Variants in PTPRG observed in about 807,000 individuals in gnomAD.
The protein encoded by PTPRG is receptor-type tyrosine-protein phosphatase gamma.
A neutral mutation model predicts 165.3 loss-of-function variants in PTPRG; 102 were observed. The observed-to-expected ratio is 0.62, with a 90% CI of 0.53 to 0.73. PTPRG has a LOEUF of 0.73. Among genes scored for constraint, PTPRG ranks in the 30% least tolerant of loss-of-function variants. The pLI, the probability that PTPRG is intolerant of heterozygous loss-of-function variation, is 0.00. For missense variants in PTPRG, 1,866 were observed against 1,861.4 expected, an observed-to-expected ratio of 1.00 and a Z score of -0.05; for synonymous variants, 675 against 669.5, an observed-to-expected ratio of 1.01 and a Z score of -0.13.
intron 2 of PTPRG, among the ~76,000 whole-genome samples, chr3:61,895,045 A>G (rs1230832291): frequency 1.3e-5 from 2 of 152,204 alleles, no homozygotes; most frequent in Non-Finnish European, 2.9e-5. Context: ...GTGTCTCCAG[A>G]TGGACGTCGT....
intron 1 of PTPRG, among the ~76,000 whole-genome samples, chr3:61,674,486 C>CAAA (rs58334791): frequency 3.3e-4 from 19 of 57,982 alleles, no homozygotes; most frequent in African/African-American, 8.1e-4. Context: ...GACTCCATCT[C>CAAA]AAAAAAAAAA....
Position 62,252,029 on chromosome 3 carries a change from A to T in PTPRG, c.2468-3095A>T, listed in dbSNP as rs1330357873. 6.6e-6 allele frequency among the ~76,000 whole-genome samples: 1 copy of T among 152,102 alleles called. No individual in the cohort carries two copies. Among genetic ancestry groups the T allele is most frequent in the Non-Finnish European group, 1.5e-5 (1 of 68,014 alleles). On this transcript the variant is annotated intron_variant, in intron 15 of 29. Transcript: ENST00000474889. The surrounding 1 kb of genome is among the most constrained non-coding windows in gnomAD (Gnocchi z 4.6). ...TTTATCATTATCCTGCTTTTGTTATACCATAATAATCTCTCATTTAATCTG... is the reference window on the plus strand; with the variant it reads ...TTTATCATTATCCTGCTTTTGTTATTCCATAATAATCTCTCATTTAATCTG...
At chr3:61,973,972 CAG>C (rs147612754) in intron 2 of PTPRG, among the ~76,000 whole-genome samples, 2,630 of 152,080 alleles carry the variant, frequency 0.017, 61 homozygotes, top group African/African-American at 0.058. Flanking sequence ...AGACTACTGT[CAG>C]AGATTTTTTT....
chr3:61,637,529 G>GA (rs1701945337), intron 1 of PTPRG, among the ~76,000 whole-genome samples: 1 of 152,168 alleles, frequency 6.6e-6, no homozygotes, highest in African/African-American at 2.4e-5. Flanking sequence ...TGTCAAAACT[G>GA]AGACTGTGCA....
intron 4 of PTPRG, among the ~76,000 whole-genome samples, chr3:62,016,837 C>T (rs1412883218): frequency 6.6e-6 from 1 of 152,202 alleles, no homozygotes; most frequent in Admixed American, 6.5e-5. Flanking sequence ...CCTCTTTTCA[C>T]TGGCTTTGTT....
intron 10 of PTPRG, among the ~76,000 whole-genome samples, chr3:62,196,595 T>C (rs1324498765): frequency 6.6e-6 from 1 of 152,062 alleles, no homozygotes; most frequent in Admixed American, 6.5e-5. Context: ...GGCCGTAGTT[T>C]GGTGATTTGG....
At chr3:61,884,638 A>G (rs1037211486) in intron 2 of PTPRG, among the ~76,000 whole-genome samples, 13 of 152,196 alleles carry the variant, frequency 8.5e-5, no homozygotes, top group Admixed American at 1.3e-4. Flanking sequence ...CGGGCTGGCA[A>G]TGGTTTGATG....
chr3:62,260,227 A>G (rs1701654261), intron 16 of PTPRG, among the ~76,000 whole-genome samples: 1 of 152,114 alleles, frequency 6.6e-6, no homozygotes, highest in African/African-American at 2.4e-5. Flanking sequence ...TGTTACCCCT[A>G]CTTGGTGTAA....
Position 62,132,518 on chromosome 3 carries a change from C to T in PTPRG, c.616-84C>T, listed in dbSNP as rs151015230. On this transcript the variant is annotated intron_variant, in intron 5 of 29. Transcript: ENST00000474889. ...GCTTGCTAGATAACATTCTATTCTC[C>T]CCCTTCTCTTTAGAAGATTAAACTG... 1.7e-3 allele frequency: 1,873 copies of T among 1,075,360 alleles called. 15 individuals carry two copies. The Middle Eastern group carries it at 0.037, about 21-fold the overall frequency. 66.6% of individuals were successfully genotyped at this position (1,075,360 alleles called of 1,614,324 possible). A position where few individuals can be genotyped will look rare whatever the true frequency, so the allele number is the denominator to read the frequency against.
At position 62,191,552 on chromosome 3, in the gene PTPRG, A is replaced by G. The variant is rs778897296; in HGVS notation, c.1117A>G (p.Ile373Val). 5.0e-6 allele frequency: 8 copies of G among 1,614,010 alleles called. No individual in the cohort carries two copies. The highest frequency in any genetic ancestry group is 2.2e-5 in the South Asian group (2 of 91,076). ...GGTGTCCTGGAGCCAGCCGGAGACT[A>G]TCTACCACCCACCCATCATGAACTA... Reference protein sequence around the residue: ...LQVSWSQPETIYHPPIMNYMI... With the variant: ...LQVSWSQPETVYHPPIMNYMI... The change falls in exon 9 of 30, where the codon ATC becomes GTC. Residue 373 changes from isoleucine to valine, a missense_variant. Ile to Val is a conservative substitution (Grantham distance 29). Transcript: ENST00000474889.
At chr3:61,772,296 AGGAATGATT>A (rs1445672441) in intron 2 of PTPRG, among the ~76,000 whole-genome samples, 1 of 152,078 alleles carries the variant, frequency 6.6e-6, no homozygotes, top group Non-Finnish European at 1.5e-5. Context: ...TGAGGAATTT[AGGAATGATT>A]GGCCTTTGTT....
At chr3:61,902,890 G>T (rs2038534927) in intron 2 of PTPRG, among the ~76,000 whole-genome samples, 1 of 152,068 alleles carries the variant, frequency 6.6e-6, no homozygotes, top group South Asian at 2.1e-4. Context: ...ATATAATGTG[G>T]ACTTAGGGAC....
At chr3:61,925,640 G>A (rs1171374538) in intron 2 of PTPRG, among the ~76,000 whole-genome samples, 1 of 152,094 alleles carries the variant, frequency 6.6e-6, no homozygotes, top group Non-Finnish European at 1.5e-5. Flanking sequence ...CTACTCAGGA[G>A]GCTGAGGCAG....
chr3:61,782,482 G>T (rs996424649), intron 2 of PTPRG, among the ~76,000 whole-genome samples: 3 of 152,220 alleles, frequency 2.0e-5, no homozygotes, highest in Non-Finnish European at 4.4e-5. Flanking sequence ...TGGTATGAAA[G>T]ACAGACATTG....
At chr3:61,588,178 CT>C (rs1170785024) in intron 1 of PTPRG, among the ~76,000 whole-genome samples, 1 of 151,988 alleles carries the variant, frequency 6.6e-6, no homozygotes, top group Non-Finnish European at 1.5e-5. Context: ...TTATTATTTG[CT>C]TTTTATTACA....
intron 2 of PTPRG, among the ~76,000 whole-genome samples, chr3:61,913,067 A>G (rs1381743693): frequency 6.6e-6 from 1 of 152,112 alleles, no homozygotes; most frequent in African/African-American, 2.4e-5. Flanking sequence ...TTTTCTTTTC[A>G]TTTAAACTTT....
chr3:62,265,207 G>A (rs538803309), intron 17 of PTPRG, among the ~76,000 whole-genome samples: 4 of 152,222 alleles, frequency 2.6e-5, no homozygotes, highest in African/African-American at 9.6e-5. Context: ...TGAATATACA[G>A]TTTGCAAATA....
At chr3:62,024,391 T>A (rs1167719479) in intron 4 of PTPRG, among the ~76,000 whole-genome samples, 2 of 129,382 alleles carry the variant, frequency 1.5e-5, no homozygotes, top group Non-Finnish European at 3.5e-5. Flanking sequence ...GTCACTATTT[T>A]GTGAGATTTT....
At chr3:61,869,063 T>C (rs1437931424) in intron 2 of PTPRG, among the ~76,000 whole-genome samples, 2 of 152,156 alleles carry the variant, frequency 1.3e-5, no homozygotes, top group Non-Finnish European at 2.9e-5. Flanking sequence ...CCGTTCCCCA[T>C]GGTCTAATCT....
Sources: gnomAD v4.1 joint callset for allele counts (sites outside exome capture counted in the v4.1 genomes callset) on GRCh38, gnomAD v4.1.1 for gene constraint, Gnocchi (gnomAD v3.1) non-coding constraint, MANE v1.5 for transcripts, NCBI Gene and HGNC (gene_info 2026-07-23, HGNC 2026-07-21) for gene names.